Variants in PDE8A observed in about 807,000 individuals in gnomAD.
PDE8A encodes phosphodiesterase 8A, also known as high affinity cAMP-specific and IBMX-insensitive 3',5'-cyclic phosphodiesterase 8A.
PDE8A carries 59 observed loss-of-function variants against 105.0 expected under a neutral mutation model. The ratio of observed to expected loss-of-function variants is 0.56; its 90% CI spans 0.46 to 0.70. The LOEUF is 0.70. Ranked by LOEUF, PDE8A falls within the 30% of genes least tolerant of loss-of-function variation. The pLI, the probability that PDE8A is intolerant of heterozygous loss-of-function variation, is 0.00. For missense variants in PDE8A, 1,014 were observed against 1,045.9 expected, an observed-to-expected ratio of 0.97 and a Z score of 0.42; for synonymous variants, 355 against 371.9, an observed-to-expected ratio of 0.95 and a Z score of 0.52.
intron 1 of PDE8A, among the ~76,000 whole-genome samples, chr15:85,016,770 T>C (rs2080331393): frequency 6.6e-6 from 1 of 152,232 alleles, no homozygotes; most frequent in Non-Finnish European, 1.5e-5. Flanking sequence ...TGTGATGTTG[T>C]ATCTTCTTAT....
At chr15:85,104,105 A>G (rs1482017947) in intron 11 of PDE8A, among the ~76,000 whole-genome samples, 1 of 152,228 alleles carries the variant, frequency 6.6e-6, no homozygotes, top group African/African-American at 2.4e-5. Flanking sequence ...GAGGACACCA[A>G]ATTGTAGTGA....
In PDE8A at chr15:85,032,722, T is replaced by A. The variant is rs2080635630; in HGVS notation, c.187-31648T>A. ...TAGATCTGTATTTTCAAGAAAATAC[T>A]CAGTTTTAAGTGGAAAAATGCATGG... On this transcript the variant is annotated intron_variant, in intron 1 of 21. Coordinates refer to ENST00000394553, the MANE Select transcript of PDE8A (RefSeq NM_002605.3). 2.0e-5 allele frequency among the ~76,000 whole-genome samples: 3 copies of A among 152,194 alleles called. No individual in the cohort carries two copies. The South Asian group carries it at 6.2e-4, about 31-fold the overall frequency.
chr15:85,124,923 G>C (rs1464327652), intron 19 of PDE8A, among the ~76,000 whole-genome samples: 1 of 152,212 alleles, frequency 6.6e-6, no homozygotes, highest in East Asian at 1.9e-4. Context: ...TCTCATCTCT[G>C]TTGTCGGTAC....
intron 1 of PDE8A, among the ~76,000 whole-genome samples, chr15:85,033,401 C>T (rs1458960946): frequency 5.3e-5 from 8 of 152,164 alleles, no homozygotes; most frequent in Non-Finnish European, 1.2e-4. Context: ...AGAGACTACA[C>T]TGTGAACAGC....
chr15:85,042,941 C>G (rs560318390), intron 1 of PDE8A, among the ~76,000 whole-genome samples: 1 of 152,174 alleles, frequency 6.6e-6, no homozygotes, highest in Admixed American at 6.5e-5. Context: ...CTAGATAATT[C>G]GATTGTGTGG....
chr15:85,058,284 G>A (rs530663617), intron 1 of PDE8A, among the ~76,000 whole-genome samples: 6 of 151,966 alleles, frequency 3.9e-5, no homozygotes, highest in East Asian at 3.9e-4. Flanking sequence ...TTAGGGTCTC[G>A]TTATTTTGCC....
chr15:85,114,656 G>A (rs1270742702), intron 14 of PDE8A, among the ~76,000 whole-genome samples: 1 of 152,132 alleles, frequency 6.6e-6, no homozygotes, highest in Non-Finnish European at 1.5e-5. Flanking sequence ...TTGGTCAGAA[G>A]CAAAATCCAC....
chr15:85,026,490 G>A (rs2080518913), intron 1 of PDE8A, among the ~76,000 whole-genome samples: 1 of 152,146 alleles, frequency 6.6e-6, no homozygotes, highest in African/African-American at 2.4e-5. Context: ...AAAAGAACAA[G>A]GACATTTGAT....
At chr15:85,080,550 C>T (rs1366385546) in intron 5 of PDE8A, among the ~76,000 whole-genome samples, 1 of 152,140 alleles carries the variant, frequency 6.6e-6, no homozygotes, top group Non-Finnish European at 1.5e-5. Context: ...GTCATTAAGG[C>T]TTGTGTTTGT....
At chr15:85,022,353 T>G (rs371647594) in intron 1 of PDE8A, among the ~76,000 whole-genome samples, 1 of 151,882 alleles carries the variant, frequency 6.6e-6, no homozygotes, top group Non-Finnish European at 1.5e-5. Flanking sequence ...CGGGGCACCC[T>G]GCCTCTGCCT....
chr15:85,058,355 G>A (rs2081095177), intron 1 of PDE8A, among the ~76,000 whole-genome samples: 1 of 152,156 alleles, frequency 6.6e-6, no homozygotes, highest in Non-Finnish European at 1.5e-5. Context: ...CAAAAGCGCT[G>A]GGATTACAGG....
intron 1 of PDE8A, among the ~76,000 whole-genome samples, chr15:84,990,335 A>G (rs2079867134): frequency 1.3e-5 from 2 of 152,222 alleles, no homozygotes; most frequent in South Asian, 4.1e-4. Context: ...GTCAAGATAC[A>G]GAATTACACA....
At chr15:85,075,759 C>T (rs904895792) in intron 3 of PDE8A, 103 bp from the exon 4 acceptor site, 5 of 616,894 alleles carry the variant, frequency 8.1e-6, no homozygotes, top group African/African-American at 1.9e-5. Context: ...ATTTACTCTC[C>T]CTTCTACCCC....
At chr15:84,999,881 C>T (rs955874154) in intron 1 of PDE8A, among the ~76,000 whole-genome samples, 3 of 152,176 alleles carry the variant, frequency 2.0e-5, no homozygotes, top group Admixed American at 1.3e-4. Flanking sequence ...GCTGGCCTCC[C>T]TTTTAAGATG....
At chr15:85,011,438 TTTC>T (rs1181819119) in intron 1 of PDE8A, among the ~76,000 whole-genome samples, 1 of 152,206 alleles carries the variant, frequency 6.6e-6, no homozygotes, top group East Asian at 1.9e-4. Flanking sequence ...GCCCTAGCTT[TTTC>T]TTATTTGTAA....
In PDE8A at chr15:85,091,163, A is replaced by G; in HGVS notation, c.834A>G (p.Ser278=). 1.2e-6 allele frequency: 2 copies of G among 1,610,624 alleles called. No homozygotes were observed. The highest frequency in any genetic ancestry group is 1.7e-6 in the Non-Finnish European group (2 of 1,178,752). ...CTGACTTGCTCGATACTATAAATTC[A>G]TGCATCAGGATAGGCAAGGTAAGTA... ...KKADLLDTIN[S]CIRIGKEWQG... Residue 278 remains serine, a synonymous_variant, in exon 8 of 22, where the codon TCA becomes TCG. Coordinates refer to ENST00000394553, the MANE Select transcript of PDE8A (RefSeq NM_002605.3).
intron 3 of PDE8A, among the ~76,000 whole-genome samples, chr15:85,068,562 C>T (rs28540038): frequency 0.048 from 7,217 of 150,664 alleles, 239 homozygotes; most frequent in African/African-American, 0.095. Context: ...TCCAGTATCC[C>T]TTTTATCCCT....
intron 3 of PDE8A, 88 bp downstream of exon 3, chr15:85,067,292 C>A: frequency 3.2e-6 from 3 of 930,706 alleles, no homozygotes; most frequent in South Asian, 1.9e-5. Flanking sequence ...GACTCACTCT[C>A]TTTTAAGTTG....
At position 85,139,045 on chromosome 15, in the gene PDE8A, C is replaced by T. The variant is rs1360854060; in HGVS notation, c.*1142C>T. 1.3e-5 allele frequency: 2 copies of T among 152,092 alleles called. No homozygotes were observed. The highest frequency in any genetic ancestry group is 2.9e-5 in the Non-Finnish European group (2 of 68,010). 9.4% of individuals were successfully genotyped at this position (152,092 alleles called of 1,614,324 possible). On this transcript the variant is annotated 3_prime_UTR_variant, in exon 22 of 22. Transcript: ENST00000394553. ...ATAAGCATAATACCATAAAAAATGACACTTGACATGTCAATGTATTTGTCA... is the reference window on the plus strand; with the variant it reads ...ATAAGCATAATACCATAAAAAATGATACTTGACATGTCAATGTATTTGTCA...
Sources: allele counts gnomAD v4.1 joint callset (sites outside exome capture counted in the v4.1 genomes callset), GRCh38; gene constraint gnomAD v4.1.1; transcripts MANE v1.5; gene names NCBI Gene and HGNC (gene_info 2026-07-23, HGNC 2026-07-21).